MMP26: variants seen among roughly 807,000 people sequenced by gnomAD.
MMP26 encodes the protein matrix metalloproteinase-26.
In MMP26, 33 loss-of-function variants were observed where a neutral mutation model predicts 31.0. The observed-to-expected ratio is 1.06, with a 90% CI of 0.81 to 1.42. MMP26 has a LOEUF of 1.42. Ranked by LOEUF, MMP26 falls within the 40% of genes most tolerant of loss-of-function variation. The pLI is 0.00. For missense variants in MMP26, 347 were observed against 316.1 expected, an observed-to-expected ratio of 1.10 and a Z score of -0.74; for synonymous variants, 122 against 114.9, an observed-to-expected ratio of 1.06 and a Z score of -0.40.
At chr11:4,727,049 A>G (rs531855890) in intron 1 of MMP26, among the ~76,000 whole-genome samples, 2 of 152,272 alleles carry the variant, frequency 1.3e-5, no homozygotes, top group South Asian at 4.1e-4. Context: ...AAAATCCGTA[A>G]AAAACAAGTA....
chr11:4,862,465 C>T (rs1488762247), intron 2 of MMP26, among the ~76,000 whole-genome samples: 1 of 152,152 alleles, frequency 6.6e-6, no homozygotes, highest in East Asian at 1.9e-4. Context: ...AAACTCTGTT[C>T]TGATCTTCTG....
intron 2 of MMP26, chr11:4,944,145 C>T (rs1246978707): frequency 2.2e-6 from 1 of 454,792 alleles, no homozygotes; most frequent in Admixed American, 2.4e-5. Flanking sequence ...AGTTATGCAC[C>T]TCAAACATAG....
intron 2 of MMP26, among the ~76,000 whole-genome samples, chr11:4,928,612 T>G (rs1851305128): frequency 6.6e-6 from 1 of 152,172 alleles, no homozygotes; most frequent in African/African-American, 2.4e-5. Context: ...CTTGTCTTGG[T>G]TTCCCAACCA....
At chr11:4,817,918 G>A (rs1395817177) in intron 2 of MMP26, among the ~76,000 whole-genome samples, 2 of 152,158 alleles carry the variant, frequency 1.3e-5, no homozygotes, top group Non-Finnish European at 2.9e-5. Context: ...TCTGTTGGGA[G>A]CCAGGTAAGG....
At position 4,732,541 on chromosome 11, in the gene MMP26, CA is replaced by C. The variant is rs56079183; in HGVS notation, c.-217+27516del. 4.7e-3 allele frequency among the ~76,000 whole-genome samples: 447 copies of C among 94,676 alleles called. 1 individual carries two copies. Among genetic ancestry groups the C allele is most frequent in the East Asian group, 0.039 (96 of 2,452 alleles). 62.1% of individuals were successfully genotyped at this position (94,676 alleles called of 152,430 possible). A position where few individuals can be genotyped will look rare whatever the true frequency, so the allele number is the denominator to read the frequency against. On this transcript the variant is annotated intron_variant, in intron 1 of 7. Coordinates refer to ENST00000380390, the MANE Select transcript of MMP26 (RefSeq NM_021801.5). ...CTGGGCAAAAGAGCGAGACTCGTCT[CA>C]AAAAAAAAAAAAAAAAAAAGAAAAT...
chr11:4,849,442 T>C (rs1158529780), intron 2 of MMP26, among the ~76,000 whole-genome samples: 2 of 152,170 alleles, frequency 1.3e-5, no homozygotes, highest in African/African-American at 4.8e-5. Context: ...GCTGTCCTCA[T>C]AGCTCTGTGG....
chr11:4,812,238 G>GTATATGTATATGTGTAA (rs1447036431), intron 2 of MMP26, among the ~76,000 whole-genome samples: 2 of 151,840 alleles, frequency 1.3e-5, no homozygotes, highest in African/African-American at 4.8e-5. Context: ...ATATATATAT[G>GTATATGTATATGTGTAA]TATATGTATA....
intron 2 of MMP26, among the ~76,000 whole-genome samples, chr11:4,902,650 T>C (rs1333165803): frequency 6.6e-6 from 1 of 152,202 alleles, no homozygotes; most frequent in Non-Finnish European, 1.5e-5. Context: ...TAGCAACTTA[T>C]AATAAAATGT....
At chr11:4,739,284 C>G (rs1454631169) in intron 1 of MMP26, among the ~76,000 whole-genome samples, 2 of 152,176 alleles carry the variant, frequency 1.3e-5, no homozygotes, top group African/African-American at 4.8e-5. Flanking sequence ...TTTAACTCCA[C>G]CGGGAAGTGG....
intron 2 of MMP26, among the ~76,000 whole-genome samples, chr11:4,936,320 C>T (rs5007085): frequency 0.52 from 78,371 of 150,272 alleles, 21,018 homozygotes; most frequent in East Asian, 0.76. Flanking sequence ...GTGTATGTGT[C>T]GAGGAATTTA....
At chr11:4,848,429 G>T in intron 2 of MMP26, 2 of 1,613,890 alleles carry the variant, frequency 1.2e-6, no homozygotes, top group Non-Finnish European at 1.7e-6. Context: ...GGATCATAGG[G>T]ATATAGAAGA....
rs186566137 is a variant in MMP26 at position 4,806,602 on chromosome 11, G to C, written c.-145+39261G>C. Among the ~76,000 whole-genome samples, 36 of 151,800 alleles carry C rather than the reference G, an allele frequency of 2.4e-4. No homozygotes were observed. The East Asian group carries it at 6.6e-3, about 28-fold the overall frequency. On this transcript the variant is annotated intron_variant, in intron 2 of 7. Transcript: ENST00000380390. ...AAATCTTCCTCCATCCCTTTATTTTGAGCCTATGTGTGTCTCTGCACGTGA... is the reference window on the plus strand; with the variant it reads ...AAATCTTCCTCCATCCCTTTATTTTCAGCCTATGTGTGTCTCTGCACGTGA...
chr11:4,913,682 T>C (rs1346294111), intron 2 of MMP26: 2 of 152,216 alleles, frequency 1.3e-5, no homozygotes, highest in Non-Finnish European at 2.9e-5. Flanking sequence ...CACCTCATTT[T>C]TCTTAAACCT....
intron 2 of MMP26, among the ~76,000 whole-genome samples, chr11:4,874,958 G>T (rs920799920): frequency 6.6e-6 from 1 of 152,086 alleles, no homozygotes; most frequent in African/African-American, 2.4e-5. Flanking sequence ...ACATAGAAGC[G>T]TGGAAGGAAA....
At chr11:4,712,371 G>A (rs1459308612) in intron 1 of MMP26, 1 of 152,066 alleles carries the variant, frequency 6.6e-6, no homozygotes, top group Non-Finnish European at 1.5e-5. Flanking sequence ...GTCATAGATG[G>A]CGGTCTCTCT....
At chr11:4,883,134 G>C (rs562580161) in intron 2 of MMP26, among the ~76,000 whole-genome samples, 1 of 152,132 alleles carries the variant, frequency 6.6e-6, no homozygotes, top group South Asian at 2.1e-4. Flanking sequence ...GCATATAAAA[G>C]CAGACTAGTC....
intron 2 of MMP26, among the ~76,000 whole-genome samples, chr11:4,869,102 A>G (rs1850277331): frequency 1.3e-5 from 2 of 152,178 alleles, no homozygotes; most frequent in African/African-American, 4.8e-5. Context: ...TAGACCTAAA[A>G]CCATAAAAAT....
intron 2 of MMP26, chr11:4,915,461 A>G: frequency 6.2e-7 from 1 of 1,614,152 alleles, no homozygotes; most frequent in Non-Finnish European, 8.5e-7. Flanking sequence ...CAGCATGGAC[A>G]GGAAGAGATA....
Position 4,908,494 on chromosome 11 carries a change from A to G in MMP26, c.-144-79574A>G, listed in dbSNP as rs190260887. On this transcript the variant is annotated intron_variant, in intron 2 of 7. Transcript: ENST00000380390. ...GATAGAAAAAAAAGTCAAGAGATAT[A>G]TAAGATATAGAGGTTTAATTAACAT... 1.5e-4 allele frequency: 95 copies of G among 626,968 alleles called. No homozygotes were observed. In the African/African-American group the frequency reaches 1.6e-3, roughly 11 times the overall value. The allele number at this position is 626,968 out of a possible 1,614,324, so 38.8% of individuals were successfully genotyped here.
Sources: allele counts gnomAD v4.1 joint callset (sites outside exome capture counted in the v4.1 genomes callset), GRCh38; gene constraint gnomAD v4.1.1; transcripts MANE v1.5; gene names NCBI Gene and HGNC (gene_info 2026-07-23, HGNC 2026-07-21).